HMCN1: variants seen among roughly 807,000 people sequenced by gnomAD.
The protein encoded by HMCN1 is hemicentin-1.
In HMCN1, 321 loss-of-function variants were observed where a neutral mutation model predicts 625.9. That is an observed-to-expected ratio of 0.51 (90% CI 0.47 to 0.56). The LOEUF is 0.56. Ranked by LOEUF, HMCN1 falls within the 20% of genes least tolerant of loss-of-function variation. The pLI, the probability that HMCN1 is intolerant of heterozygous loss-of-function variation, is 0.00. For missense variants in HMCN1, 6,588 were observed against 6,887.3 expected (o/e 0.96, Z 1.54); for synonymous variants, 2,425 against 2,417.6 (o/e 1.00, Z -0.09).
intron 48 of HMCN1, among the ~76,000 whole-genome samples, chr1:186,064,668 G>T (rs1206475387): frequency 6.6e-6 from 1 of 151,692 alleles, no homozygotes; most frequent in Non-Finnish European, 1.5e-5. Flanking sequence ...AAATTAGCCG[G>T]GTGTGGTAGC....
At position 185,868,578 on chromosome 1, in the gene HMCN1, C is replaced by T. The variant is rs150989548; in HGVS notation, c.621+2715C>T. 2.5e-3 allele frequency among the ~76,000 whole-genome samples: 382 copies of T among 152,228 alleles called. 1 individual carries two copies. The highest frequency in any genetic ancestry group is 4.2e-3 in the Non-Finnish European group (287 of 68,008). ...TGTGAAGAAGGATGTGTTCACTCCC[C>T]CTTCCGTCATGATTATAAGTTTTCT... is the stretch of plus-strand genomic sequence containing the variant. On this transcript the variant is annotated intron_variant, in intron 4 of 106. Coordinates refer to ENST00000271588, the MANE Select transcript of HMCN1 (RefSeq NM_031935.3).
intron 3 of HMCN1, 28 bp downstream of exon 3, chr1:185,864,656 C>T: frequency 6.2e-7 from 1 of 1,610,122 alleles, no homozygotes. Flanking sequence ...CCAAACGTCT[C>T]TGTCTAAATG....
At chr1:185,957,165 A>G (rs1029355794) in intron 11 of HMCN1, 1 of 152,244 alleles carries the variant, frequency 6.6e-6, no homozygotes, top group Non-Finnish European at 1.5e-5. Flanking sequence ...GTCCAGTTCC[A>G]GCACAAGCCA....
chr1:185,836,521 A>T (rs1661181395), intron 1 of HMCN1, among the ~76,000 whole-genome samples: 1 of 152,168 alleles, frequency 6.6e-6, no homozygotes, highest in Non-Finnish European at 1.5e-5. Flanking sequence ...TTAGAGAATT[A>T]TATGTTTTTA....
rs751628144 is a variant in HMCN1, at chr1:186,166,864, A to C, written c.15496A>C (p.Asn5166His). ...HTCHAGQDCD[N>H]TIGSYRCVVR... is the part of the protein sequence containing the mutation. Reference sequence around the variant, plus strand: ...CTGCCACGCTGGTCAGGACTGTGACAATACGATTGGATCTTATCGCTGTGT... The same window carrying C: ...CTGCCACGCTGGTCAGGACTGTGACCATACGATTGGATCTTATCGCTGTGT... The change falls in exon 100 of 107, where the codon AAT (asparagine) becomes CAT (histidine). Residue 5166 changes from asparagine (N) to histidine (H), a missense_variant. Transcript: ENST00000271588. 3 of 1,614,194 alleles carry C rather than the reference A, an allele frequency of 1.9e-6. No homozygotes were observed. Among genetic ancestry groups the C allele is most frequent in the Non-Finnish European group, 2.5e-6 (3 of 1,180,022 alleles).
intron 1 of HMCN1, among the ~76,000 whole-genome samples, chr1:185,838,847 C>A (rs1028022847): frequency 3.3e-5 from 5 of 152,170 alleles, no homozygotes; most frequent in Non-Finnish European, 7.3e-5. Context: ...ACAATTTGAA[C>A]TCTGCTAAGT....
chr1:186,128,048 A>G (rs1661734161), intron 82 of HMCN1, 30 bp from the exon 83 acceptor site: 9 of 1,591,502 alleles, frequency 5.7e-6, no homozygotes, highest in Non-Finnish European at 7.8e-6. Flanking sequence ...ATGATTATGA[A>G]ATTTTAAATG....
intron 24 of HMCN1, among the ~76,000 whole-genome samples, chr1:185,996,489 C>G (rs1024210529): frequency 2.0e-5 from 3 of 152,130 alleles, no homozygotes; most frequent in Admixed American, 6.6e-5. Context: ...TGAAGTTAGA[C>G]TTTATTCTAA....
Position 186,189,923 on chromosome 1 carries a change from A to T in HMCN1, c.*45A>T. 1 of 1,605,004 alleles carries T rather than the reference A, an allele frequency of 6.2e-7. No individual in the cohort carries two copies. The highest frequency in any genetic ancestry group is 2.2e-5 in the East Asian group (1 of 44,816). On this transcript the variant is annotated 3_prime_UTR_variant, in exon 107 of 107. Transcript: ENST00000271588. ...TCCACATATTTAAACCGCATTAATC[A>T]TGGCAATCAAGCCCCCTTCCAGATT...
intron 40 of HMCN1, among the ~76,000 whole-genome samples, chr1:186,043,211 A>G (rs945440580): frequency 6.6e-6 from 1 of 152,130 alleles, no homozygotes; most frequent in Non-Finnish European, 1.5e-5. Flanking sequence ...TCCAGAACAC[A>G]TCCCTTCCTA....
At chr1:185,750,232 G>A (rs1279920348) in intron 1 of HMCN1, among the ~76,000 whole-genome samples, 1 of 152,140 alleles carries the variant, frequency 6.6e-6, no homozygotes, top group Non-Finnish European at 1.5e-5. Context: ...AATAAAGTGA[G>A]TGCCTTCTTT....
intron 93 of HMCN1, among the ~76,000 whole-genome samples, chr1:186,148,551 C>A (rs1179303663): frequency 1.3e-5 from 2 of 152,098 alleles, no homozygotes; most frequent in Non-Finnish European, 2.9e-5. Flanking sequence ...TTCTGTCACC[C>A]AGGCTCGAAT....
intron 1 of HMCN1, among the ~76,000 whole-genome samples, chr1:185,739,565 C>G (rs1011773376): frequency 6.6e-6 from 1 of 151,988 alleles, no homozygotes; most frequent in African/African-American, 2.4e-5. Flanking sequence ...ACTCTTTTTT[C>G]TTCTCTTTCA....
chr1:186,108,505 G>A lies in HMCN1; in HGVS notation c.10897G>A (p.Val3633Met). The A allele has an allele frequency of 6.2e-7, 1 of 1,614,106 alleles. No homozygotes were observed. The highest frequency in any genetic ancestry group is 8.5e-7 in the Non-Finnish European group (1 of 1,179,996). The change falls in exon 71 of 107, where the codon GTG becomes ATG. Residue 3633 changes from valine to methionine, a missense_variant. Physicochemically the swap from Val to Met is conservative, Grantham distance 21. This residue lies in a region of HMCN1 where 4,628 missense variants were observed against 4,853.1 expected (regional missense o/e 0.95). Transcript: ENST00000271588. The part of the protein sequence containing the change: ...AGTDEPRDIT[V>M]LRNRQVTLEC... ...AACTGATGAGCCCCGGGATATCACT[G>A]TGTTACGGAACAGACAAGTGACATT...
intron 100 of HMCN1, among the ~76,000 whole-genome samples, chr1:186,169,189 C>T (rs1374640554): frequency 2.0e-5 from 3 of 152,020 alleles, no homozygotes; most frequent in Non-Finnish European, 4.4e-5. Flanking sequence ...AACCACTGCT[C>T]AAGGAAATAA....
intron 1 of HMCN1, among the ~76,000 whole-genome samples, chr1:185,801,229 G>A (rs1374800578): frequency 1.3e-5 from 2 of 152,194 alleles, no homozygotes; most frequent in East Asian, 3.8e-4. Flanking sequence ...TCATGTTAGT[G>A]ATGAGTGCCA....
chr1:185,838,505 A>T (rs1338758518), intron 1 of HMCN1, among the ~76,000 whole-genome samples: 1 of 152,132 alleles, frequency 6.6e-6, no homozygotes, highest in African/African-American at 2.4e-5. Context: ...AACCTGTAGG[A>T]GCAGAGATGG....
chr1:185,935,971 C>A lies in HMCN1; in HGVS notation c.1828+2147C>A, dbSNP rs966038078. Among the ~76,000 whole-genome samples, 6 of 152,114 alleles carry A rather than the reference C, an allele frequency of 3.9e-5. No individual in the cohort carries two copies. In the South Asian group the frequency reaches 1.2e-3, roughly 32 times the overall value. On this transcript the variant is annotated intron_variant, in intron 11 of 106. Coordinates refer to ENST00000271588, the MANE Select transcript of HMCN1 (RefSeq NM_031935.3). ...TAATTTCACTTTAATGCAGCTAAAT[C>A]TTTTTAAAAGCAGAAATAACAAATA... is the stretch of plus-strand genomic sequence containing the variant.
chr1:185,959,791 A>G (rs1353451967), intron 11 of HMCN1, among the ~76,000 whole-genome samples: 1 of 152,026 alleles, frequency 6.6e-6, no homozygotes, highest in African/African-American at 2.4e-5. Flanking sequence ...TTTTTCCCCT[A>G]ACAGGATGGG....
Sources: allele counts gnomAD v4.1 joint callset (sites outside exome capture counted in the v4.1 genomes callset), GRCh38; gene constraint gnomAD v4.1.1; regional missense constraint gnomAD v4.1.1; transcripts MANE v1.5; gene names NCBI Gene and HGNC (gene_info 2026-07-23, HGNC 2026-07-21).